PLEKHG5: variants seen among roughly 807,000 people sequenced by gnomAD.
The protein encoded by PLEKHG5 is pleckstrin homology and RhoGEF domain containing G5.
A neutral mutation model predicts 103.8 loss-of-function variants in PLEKHG5; 52 were observed. That is an observed-to-expected ratio of 0.50 (90% CI 0.40 to 0.63). The LOEUF (loss-of-function observed/expected upper bound fraction) is 0.63. Ranked by LOEUF, PLEKHG5 falls within the 30% of genes least tolerant of loss-of-function variation. The pLI, the probability that PLEKHG5 is intolerant of heterozygous loss-of-function variation, is 0.00. For synonymous variants in PLEKHG5, 592 were observed against 575.5 expected (o/e 1.03, Z -0.41); for missense variants, 1,205 against 1,347.6 (o/e 0.89, Z 1.66).
chr1:6,516,866 G>GTATATATA (rs1181957258), intron 1 of PLEKHG5, among the ~76,000 whole-genome samples: 15 of 25,878 alleles, frequency 5.8e-4, no homozygotes, highest in African/African-American at 9.7e-4. Flanking sequence ...GTATATATGT[G>GTATATATA]TATATATATA....
At chr1:6,472,932 A>G (rs2148587781) in intron 9 of PLEKHG5, 54 bp downstream of exon 9, 2 of 1,551,520 alleles carry the variant, frequency 1.3e-6, no homozygotes, top group South Asian at 1.1e-5. Flanking sequence ...GGTCCTCCCG[A>G]GGGCTGTCCT....
rs748628706 is a variant in PLEKHG5 at position 6,470,208 on chromosome 1, C to A, written c.1800+28G>T. On this transcript the variant is annotated intron_variant, in intron 16 of 20. Transcript: ENST00000377728. ...CAGGAGGTCCCTAGGAAGGGCAGGGCACAGGGGTGGGGTGGCCCTGGAATC... is the reference window on the plus strand; with the variant it reads ...CAGGAGGTCCCTAGGAAGGGCAGGGAACAGGGGTGGGGTGGCCCTGGAATC... The A allele has an allele frequency of 9.3e-6, 15 of 1,612,804 alleles. 1 individual carries two copies. The South Asian group carries it at 1.5e-4, about 17-fold the overall frequency.
At chr1:6,507,062 G>T (rs1311873282) in intron 1 of PLEKHG5, among the ~76,000 whole-genome samples, 1 of 152,202 alleles carries the variant, frequency 6.6e-6, no homozygotes, top group African/African-American at 2.4e-5. Flanking sequence ...GACAGGCGGG[G>T]AAATGAAAAG....
chr1:6,477,362 T>C (rs544427485), intron 2 of PLEKHG5, among the ~76,000 whole-genome samples, 167 bp downstream of exon 2: 31 of 152,344 alleles, frequency 2.0e-4, no homozygotes, highest in African/African-American at 7.0e-4. Context: ...GCTCATGGAC[T>C]TTCTCTCTTG....
At position 6,473,252 on chromosome 1, in the gene PLEKHG5, C is replaced by G. The variant is rs1280977628; in HGVS notation, c.794G>C (p.Arg265Pro). 1 of 1,610,810 alleles carries G rather than the reference C, an allele frequency of 6.2e-7. No homozygotes were observed. The highest frequency in any genetic ancestry group is 8.5e-7 in the Non-Finnish European group (1 of 1,178,970). ...SSGPSTSAFGREVDKMEQLEG... is the reference protein window; with the variant it reads ...SSGPSTSAFGPEVDKMEQLEG... ...CCCTGGGCAGATGGGGCCACATACC[C>G]GGCCAAAGGCGCTGGTGCTGGGGCC... Residue 265 changes from arginine (R) to proline (P), a missense_variant and splice_region_variant, in exon 8 of 21, where the codon CGG becomes CCG. Coordinates refer to ENST00000377728, the MANE Select transcript of PLEKHG5 (RefSeq NM_020631.6).
chr1:6,475,762 C>G (rs1321457615), intron 3 of PLEKHG5, among the ~76,000 whole-genome samples, 169 bp downstream of exon 3: 1 of 152,276 alleles, frequency 6.6e-6, no homozygotes, highest in African/African-American at 2.4e-5. Context: ...GAGGCTGGCC[C>G]AGGCTGGGTG....
intron 11 of PLEKHG5, 28 bp from the exon 12 acceptor site, chr1:6,471,665 C>T (rs764654870): frequency 7.7e-6 from 12 of 1,568,300 alleles, no homozygotes; most frequent in Admixed American, 1.9e-5. Flanking sequence ...TGCGGTTGGC[C>T]ACGCCCCTCC....
At chr1:6,496,890 T>C, upstream of PLEKHG5, 1 of 1,366,064 alleles carries the variant, frequency 7.3e-7, no homozygotes, top group Non-Finnish European at 9.6e-7. Flanking sequence ...GCCCCAGACT[T>C]CCCAGGGGGT....
In PLEKHG5 at chr1:6,467,517, G is replaced by A. The variant is rs1231556054; in HGVS notation, c.*46C>T. 3.8e-6 allele frequency: 6 copies of A among 1,599,814 alleles called. No individual in the cohort carries two copies. In the South Asian group the frequency reaches 6.6e-5, roughly 18 times the overall value. ...GCCGGCACGCCCCAGGAGGCAGGCT[G>A]TCTGCTGTCTCTTGGTCAATGGCAC... On this transcript the variant is annotated 3_prime_UTR_variant, in exon 21 of 21. Transcript: ENST00000377728.
At chr1:6,471,723 A>G in intron 11 of PLEKHG5, 35 bp downstream of exon 11, 3 of 1,598,734 alleles carry the variant, frequency 1.9e-6, no homozygotes, top group Non-Finnish European at 2.6e-6. Context: ...CCTTCCTGGT[A>G]CCTCACCCGC....
intron 1 of PLEKHG5, among the ~76,000 whole-genome samples, chr1:6,504,257 C>T (rs984609087): frequency 6.6e-6 from 1 of 152,166 alleles, no homozygotes; most frequent in Non-Finnish European, 1.5e-5. Context: ...ATTTGCCCCC[C>T]CAACATCAGC....
upstream of PLEKHG5, among the ~76,000 whole-genome samples, chr1:6,500,185 G>C (rs1035618315): frequency 2.6e-5 from 4 of 152,188 alleles, no homozygotes; most frequent in African/African-American, 9.7e-5. Flanking sequence ...TCCCCTTCCT[G>C]ATAGGAGCCC....
upstream of PLEKHG5, chr1:6,496,923 A>C: frequency 6.8e-7 from 1 of 1,480,064 alleles, no homozygotes; most frequent in Non-Finnish European, 8.9e-7. Flanking sequence ...GCTGGGGGGA[A>C]GGGGCTCCAA....
At chr1:6,501,240 G>A (rs2986746), upstream of PLEKHG5, among the ~76,000 whole-genome samples, 11,723 of 151,894 alleles carry the variant, frequency 0.077, 506 homozygotes, top group East Asian at 0.11. The surrounding 1 kb of genome is among the most constrained non-coding windows in gnomAD (Gnocchi z 4.3). Flanking sequence ...CCCTCACTCC[G>A]CTACTTGCCG....
At chr1:6,508,890 G>C (rs4908901) in intron 1 of PLEKHG5, among the ~76,000 whole-genome samples, 76,101 of 152,170 alleles carry the variant, frequency 0.5, 20,827 homozygotes, top group Admixed American at 0.65. Context: ...CACAGAGCTA[G>C]GAAGAGGGAG....
At position 6,474,384 on chromosome 1, in the gene PLEKHG5, A is replaced by G. The variant is rs1644694707; in HGVS notation, c.439+67T>C. ...CGACCAATGGGAACCTGAGCCTGGG[A>G]AGGGCGCCCATCTCCAGGAGGCTCC... On this transcript the variant is annotated intron_variant, in intron 6 of 20. Transcript: ENST00000377728. The G allele has an allele frequency of 2.5e-6, 4 of 1,580,778 alleles. No individual in the cohort carries two copies. The East Asian group carries it at 9.1e-5, about 36-fold the overall frequency.
chr1:6,518,611 G>A (rs1638693203), intron 1 of PLEKHG5, among the ~76,000 whole-genome samples: 1 of 151,838 alleles, frequency 6.6e-6, no homozygotes, highest in South Asian at 2.1e-4. Flanking sequence ...TGGATGTGCA[G>A]GAGGAATTTC....
chr1:6,469,509 C>G, intron 17 of PLEKHG5, 35 bp downstream of exon 17: 1 of 1,613,842 alleles, frequency 6.2e-7, no homozygotes, highest in South Asian at 1.1e-5. Flanking sequence ...CCCATCACAG[C>G]CCCTGACCAG....
chr1:6,467,502 C>A lies in PLEKHG5; in HGVS notation c.*61G>T. 1.9e-6 allele frequency: 3 copies of A among 1,561,398 alleles called. No homozygotes were observed. Among genetic ancestry groups the A allele is most frequent in the Non-Finnish European group, 2.6e-6 (3 of 1,132,756 alleles). On this transcript the variant is annotated 3_prime_UTR_variant, in exon 21 of 21. Coordinates refer to ENST00000377728, the MANE Select transcript of PLEKHG5 (RefSeq NM_020631.6). ...GTAGCTGAAGCAGGTGCCGGCACGC[C>A]CCAGGAGGCAGGCTGTCTGCTGTCT...
Sources: gnomAD v4.1 joint callset for allele counts (sites outside exome capture counted in the v4.1 genomes callset) on GRCh38, gnomAD v4.1.1 for gene constraint, Gnocchi (gnomAD v3.1) non-coding constraint, MANE v1.5 for transcripts, NCBI Gene and HGNC (gene_info 2026-07-23, HGNC 2026-07-21) for gene names.